The following ABR variants were observed in gnomAD, a reference collection of about 807,000 sequenced individuals.
The protein encoded by ABR is ABR activator of RhoGEF and GTPase.
Under a neutral mutation model 107.2 loss-of-function variants are expected in ABR, and 35 were observed. That is an observed-to-expected ratio of 0.33 (90% CI 0.25 to 0.43). ABR has a LOEUF of 0.43. Ranked by LOEUF, ABR falls within the 20% of genes least tolerant of loss-of-function variation. The probability of loss-of-function intolerance (pLI) is 1.00; values close to 1 mark genes in which losing one functional copy is unlikely to be tolerated. For synonymous variants in ABR, 498 were observed against 462.0 expected, an observed-to-expected ratio of 1.08 and a Z score of -1.00; for missense variants, 815 against 1,115.2, an observed-to-expected ratio of 0.73 and a Z score of 3.83.
At chr17:1,191,375 T>TTTTTA (rs1567878920), upstream of ABR, among the ~76,000 whole-genome samples, 2 of 143,454 alleles carry the variant, frequency 1.4e-5, no homozygotes, top group African/African-American at 5.5e-5. Flanking sequence ...TTTTTTTTTT[T>TTTTTA]GAGACAGAGT....
chr17:1,079,007 G>T, intron 6 of ABR: 1 of 1,464,764 alleles, frequency 6.8e-7, no homozygotes, highest in Non-Finnish European at 9.0e-7. Flanking sequence ...CTTCCAGCAA[G>T]GGGGAGGGGA....
In ABR at chr17:1,144,239, A is replaced by G. The variant is rs1228176806; in HGVS notation, c.62-18872T>C. On this transcript the variant is annotated intron_variant, in intron 1 of 22. Transcript: ENST00000302538. ...TGCAGACGGGCCGTATAACCTTGCCATGATACGACGAAAGCTGACGGCATG... is the reference window on the plus strand; with the variant it reads ...TGCAGACGGGCCGTATAACCTTGCCGTGATACGACGAAAGCTGACGGCATG... Among the ~76,000 whole-genome samples the G allele has an allele frequency of 4.9e-4, 75 of 152,298 alleles. 2 individuals carry two copies. The highest frequency in any genetic ancestry group is 4.7e-3 in the Admixed American group (72 of 15,286).
At chr17:1,229,507 G>C (rs2043295683) in exon 1 of ABR, among the ~76,000 whole-genome samples, 1 of 152,002 alleles carries the variant, frequency 6.6e-6, no homozygotes, top group African/African-American at 2.4e-5. Context: ...AGCCGCTCCA[G>C]GTTGAGTCTG....
intron 1 of ABR, among the ~76,000 whole-genome samples, chr17:1,153,203 C>T (rs1215952228): frequency 6.6e-6 from 1 of 152,236 alleles, no homozygotes; most frequent in African/African-American, 2.4e-5. Context: ...GTCAAATCCC[C>T]ACCATACCCC....
intron 3 of ABR, among the ~76,000 whole-genome samples, chr17:1,093,072 C>T (rs1376027685): frequency 2.0e-5 from 3 of 152,018 alleles, no homozygotes; most frequent in South Asian, 2.1e-4. Context: ...CCACCCACCT[C>T]GGCCTCCCAA....
intron 16 of ABR, among the ~76,000 whole-genome samples, chr17:1,023,181 C>A (rs112633309): frequency 5.1e-4 from 76 of 149,526 alleles, no homozygotes; most frequent in African/African-American, 1.6e-3. Flanking sequence ...TCCACTCCAG[C>A]GCCTCTGCCG....
intron 1 of ABR, among the ~76,000 whole-genome samples, chr17:1,173,505 G>A (rs747247005): frequency 9.9e-5 from 15 of 151,636 alleles, no homozygotes; most frequent in Non-Finnish European, 2.1e-4. Context: ...TGCCGCCAAC[G>A]CTGGCAGTGA....
intron 1 of ABR, among the ~76,000 whole-genome samples, chr17:1,169,048 G>A (rs1457928907): frequency 6.6e-6 from 1 of 152,212 alleles, no homozygotes; most frequent in African/African-American, 2.4e-5. Context: ...TGACGCACTC[G>A]CAAAGTAACT....
At chr17:1,044,199 A>AG (rs35493163) in intron 16 of ABR, among the ~76,000 whole-genome samples, 84,590 of 151,816 alleles carry the variant, frequency 0.56, 24,226 homozygotes, top group East Asian at 0.83. Context: ...GAGCCGGTGG[A>AG]GGGGGGGCTC....
rs2038999935 is a variant in ABR, at chr17:1,116,634, G to A, written c.246+8549C>T. On this transcript the variant is annotated intron_variant, in intron 2 of 22. Transcript: ENST00000302538. ...CGGGAGCCAGCGATGACGGGACCCA[G>A]GGTCACAACCAAGGCACTAGTCTAC... is the stretch of plus-strand genomic sequence containing the variant. Among the ~76,000 whole-genome samples the A allele has an allele frequency of 2.0e-5, 3 of 152,282 alleles. No homozygotes were observed. The South Asian group carries it at 6.2e-4, about 32-fold the overall frequency.
At chr17:1,081,357 G>A (rs1162702783) in intron 5 of ABR, among the ~76,000 whole-genome samples, 1 of 152,138 alleles carries the variant, frequency 6.6e-6, no homozygotes, top group Non-Finnish European at 1.5e-5. Flanking sequence ...TTACAGGCGT[G>A]AGCCACTGCA....
chr17:1,168,449 G>A, intron 1 of ABR, among the ~76,000 whole-genome samples: 1 of 152,220 alleles, frequency 6.6e-6, no homozygotes, highest in East Asian at 1.9e-4. Flanking sequence ...GCTTGAAGCT[G>A]GTTAGATCCT....
chr17:1,121,378 G>A (rs537950781), intron 2 of ABR, among the ~76,000 whole-genome samples: 1 of 152,382 alleles, frequency 6.6e-6, no homozygotes, highest in African/African-American at 2.4e-5. Context: ...CAGTGGTAAT[G>A]CTGTTGGCTC....
chr17:1,078,297 G>T lies in ABR; in HGVS notation c.700+1033C>A, dbSNP rs890805067. On this transcript the variant is annotated intron_variant, in intron 6 of 22. Transcript: ENST00000302538. The surrounding 1 kb of genome is among the most constrained non-coding windows in gnomAD (Gnocchi z 7.5). ...GTCCTCCGCCTACTGCTGCATGTGC[G>T]CGGAGCACACAATACCGTGCCGCCC... 1.3e-5 allele frequency among the ~76,000 whole-genome samples: 2 copies of T among 152,066 alleles called. No individual in the cohort carries two copies. Among genetic ancestry groups the T allele is most frequent in the Non-Finnish European group, 2.9e-5 (2 of 68,006 alleles).
intron 1 of ABR, among the ~76,000 whole-genome samples, chr17:1,197,018 C>G (rs2042583693): frequency 6.6e-6 from 1 of 151,610 alleles, no homozygotes; most frequent in Non-Finnish European, 1.5e-5. Flanking sequence ...TAAGGAAGGA[C>G]CCTGTGCTGC....
Position 1,071,021 on chromosome 17 carries a change from G to A in ABR, c.895-931C>T, listed in dbSNP as rs1468509013. On this transcript the variant is annotated intron_variant, in intron 8 of 22. Transcript: ENST00000302538. The surrounding 1 kb of genome is among the most constrained non-coding windows in gnomAD (Gnocchi z 5.1). The stretch of plus-strand genomic sequence containing the variant: ...CTACTAAAAATACAAAAACTAGCCA[G>A]ACATGGTGACGCCTGCCTGTAATCT... 6.6e-6 allele frequency among the ~76,000 whole-genome samples: 1 copy of A among 152,192 alleles called. No individual in the cohort carries two copies. The highest frequency in any genetic ancestry group is 1.9e-4 in the East Asian group (1 of 5,170).
intron 1 of ABR, among the ~76,000 whole-genome samples, chr17:1,203,348 A>G (rs1299429454): frequency 9.8e-5 from 6 of 61,030 alleles, no homozygotes; most frequent in African/African-American, 2.8e-4. Flanking sequence ...CGCGGGGAGG[A>G]GCCTGCGGGG....
At position 1,071,257 on chromosome 17, in the gene ABR, G is replaced by A. The variant is rs1567699646; in HGVS notation, c.895-1167C>T. On this transcript the variant is annotated intron_variant, in intron 8 of 22. Coordinates refer to ENST00000302538, the MANE Select transcript of ABR (RefSeq NM_021962.5). The surrounding 1 kb of genome is among the most constrained non-coding windows in gnomAD (Gnocchi z 5.1). ...AAAACAGACGACGGGATCCCCAGAC[G>A]CTGCACATCAGCACCAGGAGCCGCA... Among the ~76,000 whole-genome samples the A allele has an allele frequency of 6.6e-6, 1 of 152,120 alleles. No homozygotes were observed. The highest frequency in any genetic ancestry group is 1.5e-5 in the Non-Finnish European group (1 of 68,014).
exon 1 of ABR, among the ~76,000 whole-genome samples, chr17:1,229,341 G>A (rs2043290223): frequency 2.0e-5 from 3 of 146,898 alleles, no homozygotes; most frequent in Admixed American, 2.0e-4. Context: ...CCCGCGGGGA[G>A]ACTCGGCCTC....
Sources: allele counts gnomAD v4.1 joint callset (sites outside exome capture counted in the v4.1 genomes callset), GRCh38; gene constraint gnomAD v4.1.1; non-coding constraint Gnocchi (gnomAD v3.1); transcripts MANE v1.5; gene names NCBI Gene and HGNC (gene_info 2026-07-23, HGNC 2026-07-21).